The following EBF2 variants were observed in gnomAD, a reference collection of about 807,000 sequenced individuals.
The protein encoded by EBF2 is transcription factor COE2.
A neutral mutation model predicts 72.8 loss-of-function variants in EBF2; 21 were observed. The ratio of observed to expected loss-of-function variants is 0.29; its 90% confidence interval spans 0.20 to 0.42. The LOEUF (loss-of-function observed/expected upper bound fraction) is 0.42, where lower values mean the gene tolerates loss of function less well. Ranked by LOEUF, EBF2 falls within the 10% of genes least tolerant of loss-of-function variation. EBF2 has a pLI of 1.00. For missense variants in EBF2, 637 were observed against 731.2 expected (o/e 0.87, Z 1.49); for synonymous variants, 299 against 274.2 (o/e 1.09, Z -0.89).
At chr8:25,933,020 A>G (rs1375517171) in intron 6 of EBF2, among the ~76,000 whole-genome samples, 1 of 152,192 alleles carries the variant, frequency 6.6e-6, no homozygotes, top group African/African-American at 2.4e-5. Flanking sequence ...TTAAAGGGGC[A>G]GCCCATCAGT....
intron 6 of EBF2, among the ~76,000 whole-genome samples, chr8:25,996,664 A>G (rs559172047): frequency 6.6e-6 from 1 of 152,240 alleles, no homozygotes; most frequent in East Asian, 1.9e-4. Flanking sequence ...AAATAAACCC[A>G]CAGAAAGCAG....
chr8:25,946,842 C>A (rs1416121338), intron 6 of EBF2, among the ~76,000 whole-genome samples: 1 of 152,162 alleles, frequency 6.6e-6, no homozygotes, highest in East Asian at 1.9e-4. Flanking sequence ...CTGAGGCTTA[C>A]AACATGATAT....
At chr8:25,944,178 G>A (rs544497903) in intron 6 of EBF2, among the ~76,000 whole-genome samples, 1 of 152,300 alleles carries the variant, frequency 6.6e-6, no homozygotes, top group Admixed American at 6.5e-5. Flanking sequence ...TTCCAGCTCT[G>A]GAAGGAGCTA....
chr8:25,861,152 T>C lies in EBF2; in HGVS notation c.1239A>G (p.Pro413=), dbSNP rs1339522765. ...YSVPRNPSQL[P]ALSSSPAHSG... Reference sequence around the variant, plus strand: ...TGTGCGCTGGGGAGCTAGAGAGGGCTGGAAGCTGGCTGGGATTCCTGGGGA... The same window carrying C: ...TGTGCGCTGGGGAGCTAGAGAGGGCCGGAAGCTGGCTGGGATTCCTGGGGA... Residue 413 remains proline, a synonymous_variant, in exon 13 of 16, where the codon CCA becomes CCG. Transcript: ENST00000520164. 3 of 1,614,172 alleles carry C rather than the reference T, an allele frequency of 1.9e-6. No individual in the cohort carries two copies. Among genetic ancestry groups the C allele is most frequent in the Non-Finnish European group, 2.5e-6 (3 of 1,180,026 alleles).
At chr8:25,903,484 A>G (rs1019063049) in intron 7 of EBF2, among the ~76,000 whole-genome samples, 5 of 152,172 alleles carry the variant, frequency 3.3e-5, no homozygotes, top group African/African-American at 1.2e-4. Flanking sequence ...TCACGAGGTC[A>G]GGAAATCGAG....
At chr8:26,025,774 C>T (rs566413935) in intron 6 of EBF2, among the ~76,000 whole-genome samples, 15 of 152,026 alleles carry the variant, frequency 9.9e-5, no homozygotes, top group African/African-American at 2.9e-4. Flanking sequence ...TAGGAAACAA[C>T]GGAATGAGAT....
At chr8:25,848,029 T>A (rs968140819) in intron 15 of EBF2, among the ~76,000 whole-genome samples, 1 of 151,268 alleles carries the variant, frequency 6.6e-6, no homozygotes, top group African/African-American at 2.4e-5. Flanking sequence ...AATTTTCTTT[T>A]AAAAAAAAAC....
At chr8:25,933,553 C>T (rs1445444741) in intron 6 of EBF2, among the ~76,000 whole-genome samples, 6 of 152,082 alleles carry the variant, frequency 3.9e-5, no homozygotes, top group East Asian at 1.9e-4. Context: ...TGCATACAGC[C>T]TTTGACCCCG....
intron 15 of EBF2, among the ~76,000 whole-genome samples, chr8:25,849,106 C>G (rs1801905025): frequency 6.6e-6 from 1 of 152,172 alleles, no homozygotes; most frequent in Non-Finnish European, 1.5e-5. Flanking sequence ...GTGAAAATCC[C>G]TGCCAAAAAA....
chr8:25,961,428 A>G (rs1003397150), intron 6 of EBF2, among the ~76,000 whole-genome samples: 1 of 152,086 alleles, frequency 6.6e-6, no homozygotes, highest in Non-Finnish European at 1.5e-5. Flanking sequence ...CAGTGGCGCG[A>G]TCTTGGCTCA....
intron 10 of EBF2, among the ~76,000 whole-genome samples, chr8:25,878,776 T>C (rs1802562234): frequency 6.6e-6 from 1 of 152,238 alleles, no homozygotes; most frequent in South Asian, 2.1e-4. Context: ...CCATCCTTGA[T>C]AGCATTTCTT....
At chr8:25,876,504 A>G (rs1563385326) in intron 10 of EBF2, among the ~76,000 whole-genome samples, 1 of 152,206 alleles carries the variant, frequency 6.6e-6, no homozygotes, top group African/African-American at 2.4e-5. Flanking sequence ...AAATATTCCC[A>G]TATTGCAATC....
chr8:25,931,204 C>T (rs1174200521), intron 6 of EBF2, among the ~76,000 whole-genome samples: 1 of 152,158 alleles, frequency 6.6e-6, no homozygotes, highest in African/African-American at 2.4e-5. Context: ...TTCAGAACTT[C>T]CACTTGAAAA....
chr8:26,029,513 G>A (rs933996735), intron 6 of EBF2, among the ~76,000 whole-genome samples: 6 of 152,194 alleles, frequency 3.9e-5, no homozygotes, highest in African/African-American at 1.4e-4. Context: ...AGCTTAAGGG[G>A]TCCTTGGTGG....
chr8:25,861,273 C>T (rs1321430251), intron 12 of EBF2, 36 bp downstream of exon 12: 1 of 1,613,740 alleles, frequency 6.2e-7, no homozygotes, highest in Non-Finnish European at 8.5e-7. Flanking sequence ...GCATAAAGTG[C>T]AAAACTCAAT....
chr8:25,882,850 G>A (rs1209622798), intron 10 of EBF2, among the ~76,000 whole-genome samples: 6 of 152,234 alleles, frequency 3.9e-5, no homozygotes, highest in Non-Finnish European at 7.3e-5. Flanking sequence ...AATAGCCTGA[G>A]CATAGAGCTC....
chr8:25,870,843 T>C (rs995313839), intron 10 of EBF2, among the ~76,000 whole-genome samples: 2 of 152,076 alleles, frequency 1.3e-5, no homozygotes, highest in Non-Finnish European at 2.9e-5. Context: ...CCAGACTTCA[T>C]AGGCATAAAC....
At chr8:26,015,418 C>T (rs926439873) in intron 6 of EBF2, among the ~76,000 whole-genome samples, 3 of 152,232 alleles carry the variant, frequency 2.0e-5, no homozygotes, top group Non-Finnish European at 2.9e-5. Context: ...CATCCTCTCA[C>T]CACCCCCACA....
At chr8:25,852,209 T>TTCACATAATAAGGACACAG in intron 14 of EBF2, among the ~76,000 whole-genome samples, 1 of 152,218 alleles carries the variant, frequency 6.6e-6, no homozygotes, top group East Asian at 1.9e-4. Flanking sequence ...GTTGGGCTAA[T>TTCACATAATAAGGACACAG]TCACATAATA....
Sources: allele counts gnomAD v4.1 joint callset (sites outside exome capture counted in the v4.1 genomes callset), GRCh38; gene constraint gnomAD v4.1.1; transcripts MANE v1.5; gene names NCBI Gene and HGNC (gene_info 2026-07-23, HGNC 2026-07-21).